The following WNT2B variants were observed in gnomAD, a reference collection of about 807,000 sequenced individuals.
WNT2B encodes protein Wnt-2b.
Under a neutral mutation model 40.5 loss-of-function variants are expected in WNT2B, and 19 were observed. The observed-to-expected ratio is 0.47, with a 90% CI of 0.33 to 0.69. The LOEUF (loss-of-function observed/expected upper bound fraction) is 0.69, where lower values mean the gene tolerates loss of function less well. Among genes scored for constraint, WNT2B ranks in the 30% least tolerant of loss-of-function variants. The pLI, the probability that WNT2B is intolerant of heterozygous loss-of-function variation, is 0.02. For missense variants in WNT2B, 467 were observed against 556.4 expected, an observed-to-expected ratio of 0.84 and a Z score of 1.62; for synonymous variants, 220 against 211.9, an observed-to-expected ratio of 1.04 and a Z score of -0.33.
In WNT2B at chr1:112,528,828, G is replaced by GA. The variant is rs1418299951; in HGVS notation, c.*8321dup. The GA allele has an allele frequency of 6.6e-6, 1 of 152,146 alleles. No homozygotes were observed. Among genetic ancestry groups the GA allele is most frequent in the African/African-American group, 2.4e-5 (1 of 41,438 alleles). 9.4% of individuals were successfully genotyped at this position (152,146 alleles called of 1,614,324 possible). Reference sequence around the variant, plus strand: ...ATCGTATCTGAGGCCATAGTGAATAGAAGAGCTGCAAAAGAGCTTTAGAGA... The same window carrying GA: ...ATCGTATCTGAGGCCATAGTGAATAGAAAGAGCTGCAAAAGAGCTTTAGAGA... On this transcript the variant is annotated 3_prime_UTR_variant, in exon 5 of 5. Transcript: ENST00000369684.
intron 1 of WNT2B, among the ~76,000 whole-genome samples, chr1:112,510,725 G>T (rs1215286970): frequency 2.0e-5 from 3 of 151,636 alleles, no homozygotes; most frequent in Non-Finnish European, 1.5e-5. Context: ...TCTCTGCAGT[G>T]TTGGGGAAGG....
chr1:112,484,206 TATATATATATACAC>T (rs1437122742), intron 1 of WNT2B, among the ~76,000 whole-genome samples: 50 of 126,672 alleles, frequency 3.9e-4, no homozygotes, highest in African/African-American at 8.7e-4. Flanking sequence ...CCAAAAATTT[TATATATATATACAC>T]ATATATATAT....
At chr1:112,478,746 C>T (rs536214385) in intron 1 of WNT2B, among the ~76,000 whole-genome samples, 1 of 152,110 alleles carries the variant, frequency 6.6e-6, no homozygotes, top group South Asian at 2.1e-4. Flanking sequence ...CATGGCAAAA[C>T]CTCATCTCCA....
At chr1:112,499,520 C>T (rs1436817806) in intron 1 of WNT2B, among the ~76,000 whole-genome samples, 4 of 152,154 alleles carry the variant, frequency 2.6e-5, no homozygotes, top group African/African-American at 4.8e-5. Context: ...TAACCTGTCA[C>T]ATTAACAGTC....
At position 112,509,072 on chromosome 1, in the gene WNT2B, C is replaced by G. The variant is rs1471860949; in HGVS notation, c.-191C>G. 5.9e-6 allele frequency: 8 copies of G among 1,351,654 alleles called. No homozygotes were observed. The highest frequency in any genetic ancestry group is 7.5e-6 in the Non-Finnish European group (8 of 1,061,172). The allele number at this position is 1,351,654 out of a possible 1,614,324, so 83.7% of individuals were successfully genotyped here. A position where few individuals can be genotyped will look rare whatever the true frequency, so the allele number is the denominator to read the frequency against. ...GGGTTCGGCACGCCGTCGTCGGCTT[C>G]CGGACATCGCAACTTGCGCCCCTCT... On this transcript the variant is annotated 5_prime_UTR_variant, in exon 1 of 5. Coordinates refer to ENST00000369684, the MANE Select transcript of WNT2B (RefSeq NM_024494.3). This position sits in a 1 kb window ranked among gnomAD's most constrained non-coding sequence, Gnocchi z 4.2.
chr1:112,467,373 A>C, exon 1 of WNT2B: 1 of 593,992 alleles, frequency 1.7e-6, no homozygotes, highest in Non-Finnish European at 3.1e-6. Context: ...CCAAGAAGCT[A>C]ATGAGGTTTA....
At chr1:112,507,481 C>T (rs533021870), upstream of WNT2B, among the ~76,000 whole-genome samples, 15 of 152,288 alleles carry the variant, frequency 9.8e-5, no homozygotes, top group Admixed American at 3.9e-4. Context: ...TGCTTGCAGC[C>T]CCTTCCCACT....
Position 112,487,252 on chromosome 1 carries a change from G to A in WNT2B, c.-95+19661G>A, listed in dbSNP as rs565297202. Among the ~76,000 whole-genome samples, 37 of 152,158 alleles carry A rather than the reference G, an allele frequency of 2.4e-4. 1 individual carries two copies. The highest frequency in any genetic ancestry group is 1.6e-4 in the Non-Finnish European group (11 of 68,014). ...TTAAAATTCTATAAATGCAAGATAA[G>A]ATACAGTAAATAAAAGATTCGTGGT... On this transcript the variant is annotated intron_variant, in intron 1 of 4. Coordinates refer to the WNT2B transcript ENST00000256640.
At chr1:112,484,425 TG>T (rs1199246645) in intron 1 of WNT2B, among the ~76,000 whole-genome samples, 1 of 150,638 alleles carries the variant, frequency 6.6e-6, no homozygotes, top group Non-Finnish European at 1.5e-5. Context: ...CTCAGCCTCC[TG>T]AGTGGCTAAT....
At chr1:112,485,565 CA>C (rs1448060670) in intron 1 of WNT2B, among the ~76,000 whole-genome samples, 4 of 151,752 alleles carry the variant, frequency 2.6e-5, no homozygotes, top group Non-Finnish European at 4.4e-5. Flanking sequence ...AGTCCAGAAA[CA>C]GTCTCTCAAA....
chr1:112,494,090 G>C (rs908145198), intron 1 of WNT2B, among the ~76,000 whole-genome samples: 1 of 146,626 alleles, frequency 6.8e-6, no homozygotes, highest in Non-Finnish European at 1.5e-5. Context: ...CGGGTGGATT[G>C]CCTGAGATCA....
chr1:112,504,839 C>T (rs1375688588), upstream of WNT2B, among the ~76,000 whole-genome samples: 2 of 152,064 alleles, frequency 1.3e-5, no homozygotes, highest in East Asian at 1.9e-4. Flanking sequence ...TCCCACCCAC[C>T]GGGAAAAAGA....
intron 1 of WNT2B, among the ~76,000 whole-genome samples, chr1:112,469,803 G>A (rs1011153789): frequency 2.6e-5 from 4 of 152,016 alleles, no homozygotes; most frequent in Non-Finnish European, 5.9e-5. Context: ...TAGTAGAGAT[G>A]GGGTTTCACC....
In WNT2B at chr1:112,516,271, C is replaced by G; in HGVS notation, c.535C>G (p.Gln179Glu). 1 of 1,613,994 alleles carries G rather than the reference C, an allele frequency of 6.2e-7. No individual in the cohort carries two copies. The highest frequency in any genetic ancestry group is 1.3e-5 in the African/African-American group (1 of 74,990). Residue 179 changes from glutamine to glutamate, a missense_variant, in exon 3 of 5, where the codon CAG becomes GAG. Gln to Glu is a conservative substitution (Grantham distance 29, BLOSUM62 2). This residue lies in a region of WNT2B where 330 missense variants were observed against 438.6 expected (regional missense o/e 0.75). Transcript: ENST00000369684. ...CTACACCCGTGGCCGACACCATGAC[C>G]AGCGTGGGGACTTTGACTGGGGTGG... ...DPYTRGRHHD[Q>E]RGDFDWGGCS...
intron 4 of WNT2B, among the ~76,000 whole-genome samples, chr1:112,519,885 T>C (rs1652766998): frequency 6.7e-6 from 1 of 149,320 alleles, no homozygotes; most frequent in Non-Finnish European, 1.5e-5. Context: ...TTTTTTTTTT[T>C]TTTTTTTGGA....
At chr1:112,476,991 A>G (rs139136030) in intron 1 of WNT2B, among the ~76,000 whole-genome samples, 1 of 152,242 alleles carries the variant, frequency 6.6e-6, no homozygotes, top group Non-Finnish European at 1.5e-5. Context: ...AGCATCAAAT[A>G]CCAGCACCAC....
Position 112,523,315 on chromosome 1 carries a change from G to C in WNT2B, c.*2806G>C, listed in dbSNP as rs183691123. 60 of 143,536 alleles carry C rather than the reference G, an allele frequency of 4.2e-4. No homozygotes were observed. Among genetic ancestry groups the C allele is most frequent in the African/African-American group, 1.6e-3 (54 of 33,304 alleles). 8.9% of individuals were successfully genotyped at this position (143,536 alleles called of 1,614,324 possible). On this transcript the variant is annotated 3_prime_UTR_variant, in exon 5 of 5. Coordinates refer to ENST00000369684, the MANE Select transcript of WNT2B (RefSeq NM_024494.3). ...TAAATGGTTAAGAAAAGAGCAAGCTGTCCAGAGAGTGAGAAGTTTGAAAAG... is the reference window on the plus strand; with the variant it reads ...TAAATGGTTAAGAAAAGAGCAAGCTCTCCAGAGAGTGAGAAGTTTGAAAAG...
intron 1 of WNT2B, among the ~76,000 whole-genome samples, chr1:112,501,651 T>C (rs1225880141): frequency 7.6e-6 from 1 of 131,518 alleles, no homozygotes; most frequent in Non-Finnish European, 1.8e-5. Context: ...GCTCCTGAGT[T>C]TATGTTAATT....
intron 1 of WNT2B, among the ~76,000 whole-genome samples, chr1:112,488,441 CTT>C (rs1651487876): frequency 7.2e-5 from 1 of 13,862 alleles, no homozygotes. Flanking sequence ...GATTGGCCTT[CTT>C]CCTTACCTGC....
Sources: allele counts gnomAD v4.1 joint callset (sites outside exome capture counted in the v4.1 genomes callset), GRCh38; gene constraint gnomAD v4.1.1; regional missense constraint gnomAD v4.1.1; non-coding constraint Gnocchi (gnomAD v3.1); transcripts MANE v1.5; gene names NCBI Gene and HGNC (gene_info 2026-07-23, HGNC 2026-07-21).